Variants in PTPRM observed in about 807,000 individuals in gnomAD.
PTPRM encodes receptor-type tyrosine-protein phosphatase mu.
PTPRM carries 47 observed loss-of-function variants against 186.7 expected under a neutral mutation model. The ratio of observed to expected loss-of-function variants is 0.25; its 90% CI spans 0.20 to 0.32. The LOEUF (loss-of-function observed/expected upper bound fraction) is 0.32, where lower values mean the gene tolerates loss of function less well. Among genes scored for constraint, PTPRM ranks in the 10% least tolerant of loss-of-function variants. PTPRM has a pLI of 1.00. For missense variants in PTPRM, 1,494 were observed against 1,865.0 expected (o/e 0.80, Z 3.66); for synonymous variants, 668 against 674.9 (o/e 0.99, Z 0.16).
chr18:8,296,647 G>A (rs528170332), intron 20 of PTPRM, among the ~76,000 whole-genome samples, 192 bp downstream of exon 20: 14 of 152,128 alleles, frequency 9.2e-5, no homozygotes, highest in African/African-American at 1.4e-4. Flanking sequence ...TACTGTTGTC[G>A]TGGGCCCTGT....
At chr18:7,737,114 AATTTT>A (rs1257898226) in intron 1 of PTPRM, among the ~76,000 whole-genome samples, 8 of 139,238 alleles carry the variant, frequency 5.7e-5, no homozygotes, top group East Asian at 2.2e-4. Context: ...CCAACTCTGG[AATTTT>A]ATTTTATTTT....
At chr18:8,271,415 T>C (rs1578952) in intron 19 of PTPRM, among the ~76,000 whole-genome samples, 1 of 151,732 alleles carries the variant, frequency 6.6e-6, no homozygotes, top group Non-Finnish European at 1.5e-5. Flanking sequence ...CATTGCTGAG[T>C]GCTGTTAACT....
At chr18:8,035,847 G>A (rs1039868375) in intron 7 of PTPRM, among the ~76,000 whole-genome samples, 1 of 152,106 alleles carries the variant, frequency 6.6e-6, no homozygotes, top group African/African-American at 2.4e-5. Context: ...TTTGTATCTC[G>A]ATTATTTTTT....
intron 7 of PTPRM, among the ~76,000 whole-genome samples, chr18:7,976,213 A>G (rs1440112713): frequency 6.6e-6 from 1 of 152,168 alleles, no homozygotes; most frequent in South Asian, 2.1e-4. Flanking sequence ...TTTCTCTGTC[A>G]TTAGGCAACC....
intron 2 of PTPRM, among the ~76,000 whole-genome samples, chr18:7,840,078 G>C (rs2046247392): frequency 7.2e-6 from 1 of 139,710 alleles, no homozygotes; most frequent in Admixed American, 7.1e-5. Context: ...GTGGGGGGTG[G>C]GGTGGAGGTG....
intron 1 of PTPRM, among the ~76,000 whole-genome samples, chr18:7,576,986 T>C (rs1434132161): frequency 3.9e-5 from 6 of 152,232 alleles, no homozygotes; most frequent in Non-Finnish European, 1.5e-5. Context: ...TAGCATGTAG[T>C]AGTCACTCAA....
At chr18:8,247,152 C>T (rs1048327834) in intron 15 of PTPRM, among the ~76,000 whole-genome samples, 1 of 152,008 alleles carries the variant, frequency 6.6e-6, no homozygotes, top group African/African-American at 2.4e-5. Flanking sequence ...CTCTGTCATC[C>T]ATGAAGAGCG....
chr18:8,155,412 GAGTT>G (rs1431848111), intron 14 of PTPRM, among the ~76,000 whole-genome samples: 8 of 152,144 alleles, frequency 5.3e-5, no homozygotes, highest in African/African-American at 1.9e-4. Flanking sequence ...AATAATTAAA[GAGTT>G]AGGCATTCTG....
intron 13 of PTPRM, among the ~76,000 whole-genome samples, chr18:8,125,766 T>C (rs531607438): frequency 6.6e-6 from 1 of 151,968 alleles, no homozygotes; most frequent in Admixed American, 6.6e-5. Context: ...GCCCCTAGTC[T>C]CTTTCTTCCT....
chr18:8,332,160 C>A (rs998871612), intron 22 of PTPRM, among the ~76,000 whole-genome samples: 1 of 152,124 alleles, frequency 6.6e-6, no homozygotes, highest in Admixed American at 6.5e-5. Context: ...TAAATAATAT[C>A]TACTATGTAA....
intron 7 of PTPRM, among the ~76,000 whole-genome samples, chr18:8,045,878 T>C (rs1467637756): frequency 6.6e-6 from 1 of 152,220 alleles, no homozygotes; most frequent in African/African-American, 2.4e-5. Context: ...AAACTAAGAA[T>C]GATTGTAATA....
intron 14 of PTPRM, among the ~76,000 whole-genome samples, chr18:8,220,806 C>G (rs894149132): frequency 1.3e-5 from 2 of 152,106 alleles, no homozygotes; most frequent in African/African-American, 2.4e-5. Flanking sequence ...TACATTGAAT[C>G]GATGCTCTTA....
chr18:8,283,157 G>C (rs1172368181), intron 19 of PTPRM, among the ~76,000 whole-genome samples: 1 of 152,120 alleles, frequency 6.6e-6, no homozygotes. Context: ...CTACACTTAA[G>C]ACGAAATGGC....
intron 1 of PTPRM, among the ~76,000 whole-genome samples, chr18:7,574,151 C>T (rs775733878): frequency 6.6e-6 from 1 of 152,174 alleles, no homozygotes; most frequent in Non-Finnish European, 1.5e-5. Context: ...GTAAAAATAT[C>T]ACATCCATTC....
intron 2 of PTPRM, among the ~76,000 whole-genome samples, chr18:7,851,683 A>G (rs1255651405): frequency 1.3e-5 from 2 of 152,152 alleles, no homozygotes; most frequent in Non-Finnish European, 2.9e-5. Context: ...GCAGAATTGC[A>G]CCAAAGGAAA....
chr18:7,899,749 A>G (rs1053827689), intron 3 of PTPRM, among the ~76,000 whole-genome samples: 1 of 152,240 alleles, frequency 6.6e-6, no homozygotes, highest in Non-Finnish European at 1.5e-5. Context: ...GTGTCTTTAT[A>G]GAAGATTTTT....
chr18:7,860,433 A>G (rs921063232), intron 2 of PTPRM, among the ~76,000 whole-genome samples: 29 of 152,096 alleles, frequency 1.9e-4, no homozygotes, highest in African/African-American at 6.5e-4. Context: ...AGATAAACAG[A>G]TGGATCTATG....
chr18:8,328,524 G>C (rs190348326), intron 22 of PTPRM, among the ~76,000 whole-genome samples: 23 of 152,334 alleles, frequency 1.5e-4, no homozygotes, highest in Non-Finnish European at 2.4e-4. Context: ...TGCATTGTCA[G>C]TGAGTTGTAG....
In PTPRM at chr18:7,972,626, AT is replaced by A. The variant is rs1279793699; in HGVS notation, c.1132+17214del. Among the ~76,000 whole-genome samples, 3 of 151,856 alleles carry A rather than the reference AT, an allele frequency of 2.0e-5. No individual in the cohort carries two copies. In the South Asian group the frequency reaches 6.2e-4, roughly 32 times the overall value. On this transcript the variant is annotated intron_variant, in intron 7 of 32. Coordinates refer to ENST00000580170, the MANE Select transcript of PTPRM (RefSeq NM_001105244.2). ...AAATATTATGTATTGCTATTTTGCTATTCTTTAGCTCAGCTATAATGCTCCT... is the reference window on the plus strand; with the variant it reads ...AAATATTATGTATTGCTATTTTGCTATCTTTAGCTCAGCTATAATGCTCCT...
Sources: allele counts gnomAD v4.1 joint callset (sites outside exome capture counted in the v4.1 genomes callset), GRCh38; gene constraint gnomAD v4.1.1; transcripts MANE v1.5; gene names NCBI Gene and HGNC (gene_info 2026-07-23, HGNC 2026-07-21).